Variants in ZNF777 observed in about 807,000 individuals in gnomAD.
ZNF777 encodes the protein zinc finger protein 777.
In ZNF777, 7 loss-of-function variants were observed where a neutral mutation model predicts 72.1. That is an observed-to-expected ratio of 0.10 (90% confidence interval 0.06 to 0.18). The LOEUF (loss-of-function observed/expected upper bound fraction) is 0.18. ZNF777 is among the 10% of genes least tolerant of loss of function. The pLI is 1.00. For missense variants in ZNF777, 828 were observed against 1,128.6 expected, an observed-to-expected ratio of 0.73 and a Z score of 3.82; for synonymous variants, 545 against 483.5, an observed-to-expected ratio of 1.13 and a Z score of -1.67.
rs1001658502 is a variant in ZNF777 at position 149,445,022 on chromosome 7, G to A, written c.1087+5977C>T. 2.0e-5 allele frequency among the ~76,000 whole-genome samples: 3 copies of A among 151,950 alleles called. No homozygotes were observed. In the South Asian group the frequency reaches 6.2e-4, roughly 32 times the overall value. On this transcript the variant is annotated intron_variant, in intron 4 of 5. Coordinates refer to ENST00000247930, the MANE Select transcript of ZNF777 (RefSeq NM_015694.3). ...CTGGATGTTGGACTTCCATCCTTCA[G>A]TTTTCTTATTCTTTCCCTATTCCCT...
At chr7:149,452,138 A>G (rs925454379) in intron 3 of ZNF777, among the ~76,000 whole-genome samples, 2 of 151,624 alleles carry the variant, frequency 1.3e-5, no homozygotes, top group Non-Finnish European at 2.9e-5. Context: ...GGTGGTGGGC[A>G]CCTGTAGTCC....
chr7:149,458,502 G>GAAACA (rs59457062), intron 1 of ZNF777, among the ~76,000 whole-genome samples: 32,506 of 149,202 alleles, frequency 0.22, 3,877 homozygotes, highest in East Asian at 0.43. Context: ...CTGAAACAAT[G>GAAACA]AAACAAAACA....
At chr7:149,456,479 C>T (rs1352930245) in intron 1 of ZNF777, among the ~76,000 whole-genome samples, 1 of 152,214 alleles carries the variant, frequency 6.6e-6, no homozygotes, top group Non-Finnish European at 1.5e-5. Context: ...GACACACACA[C>T]TACCTGAGTT....
chr7:149,451,109 T>A lies in ZNF777; in HGVS notation c.977A>T (p.Tyr326Phe). 2 of 1,613,564 alleles carry A rather than the reference T, an allele frequency of 1.2e-6. No individual in the cohort carries two copies. The highest frequency in any genetic ancestry group is 2.2e-5 in the East Asian group (1 of 44,870). Reference protein sequence around the residue: ...GNYESLVSMDYAISKPDLMSQ... With the variant: ...GNYESLVSMDFAISKPDLMSQ... ...CATGAGGTCTGGTTTGGAAATTGCA[T>A]AGTCTAGGCAGAAGAAAGGGAAAAA... Residue 326 changes from tyrosine to phenylalanine, a missense_variant, in exon 4 of 6, where the codon TAT becomes TTT. Tyr to Phe is a conservative substitution (Grantham distance 22). Coordinates refer to ENST00000247930, the MANE Select transcript of ZNF777 (RefSeq NM_015694.3).
chr7:149,447,894 C>T (rs958399356), intron 4 of ZNF777, among the ~76,000 whole-genome samples: 7 of 152,074 alleles, frequency 4.6e-5, no homozygotes, highest in African/African-American at 1.2e-4. Flanking sequence ...TAATGTCAGT[C>T]GCTCCACAGG....
chr7:149,448,923 T>C (rs1277385642), intron 4 of ZNF777, among the ~76,000 whole-genome samples: 1 of 152,190 alleles, frequency 6.6e-6, no homozygotes, highest in East Asian at 1.9e-4. Flanking sequence ...ATTGAATGAA[T>C]TTACTTAGCC....
intron 5 of ZNF777, 45 bp from the exon 6 acceptor site, chr7:149,432,977 GC>G: frequency 6.9e-7 from 1 of 1,448,494 alleles, no homozygotes; most frequent in Non-Finnish European, 9.1e-7. Context: ...GCTGCCTGGC[GC>G]CCCTAACCTA....
chr7:149,439,309 A>G (rs1799467891), intron 4 of ZNF777, among the ~76,000 whole-genome samples: 1 of 152,152 alleles, frequency 6.6e-6, no homozygotes, highest in South Asian at 2.1e-4. Flanking sequence ...CTGACTTCAC[A>G]AACTACTTAA....
At chr7:149,448,579 CTATATA>C (rs57860880) in intron 4 of ZNF777, among the ~76,000 whole-genome samples, 19,464 of 114,244 alleles carry the variant, frequency 0.17, 1,796 homozygotes, top group African/African-American at 0.22. Flanking sequence ...ATACATATAA[CTATATA>C]TATATATATA....
intron 5 of ZNF777, among the ~76,000 whole-genome samples, chr7:149,433,675 A>C (rs901335820): frequency 2.0e-5 from 3 of 152,180 alleles, no homozygotes; most frequent in African/African-American, 7.2e-5. Flanking sequence ...TCAGGAACCC[A>C]GCCTTTTGCA....
Position 149,460,033 on chromosome 7 carries a change from G to C in ZNF777, c.-16+782C>G. The C allele has an allele frequency of 9.2e-6, 9 of 981,500 alleles. No individual in the cohort carries two copies. Among genetic ancestry groups the C allele is most frequent in the Non-Finnish European group, 1.1e-5 (9 of 827,948 alleles). 60.8% of individuals were successfully genotyped at this position (981,500 alleles called of 1,614,324 possible). A position where few individuals can be genotyped will look rare whatever the true frequency, so the allele number is the denominator to read the frequency against. ...TCGTAGCGTTTCTGCCCCTTACCGA[G>C]ATCCCAGGCCGGGCCGCCGAGCCCG... On this transcript the variant is annotated intron_variant, in intron 1 of 5. Coordinates refer to ENST00000247930, the MANE Select transcript of ZNF777 (RefSeq NM_015694.3). The surrounding 1 kb of genome is among the most constrained non-coding windows in gnomAD (Gnocchi z 6.1).
chr7:149,439,255 C>T (rs1445929979), intron 4 of ZNF777, among the ~76,000 whole-genome samples: 1 of 152,098 alleles, frequency 6.6e-6, no homozygotes, highest in Non-Finnish European at 1.5e-5. Flanking sequence ...TTGTTATGAT[C>T]CCTCCACAAA....
chr7:149,456,065 G>A, intron 1 of ZNF777, 28 bp from the exon 2 acceptor site: 2 of 1,514,756 alleles, frequency 1.3e-6, no homozygotes, highest in South Asian at 1.4e-5. Context: ...AGGAAAAGAG[G>A]ATTAAAGGCC....
chr7:149,448,897 C>A (rs1799665262), intron 4 of ZNF777, among the ~76,000 whole-genome samples: 1 of 152,064 alleles, frequency 6.6e-6, no homozygotes, highest in Non-Finnish European at 1.5e-5. Flanking sequence ...GGAAGCCAAC[C>A]ATTAAATGAT....
At position 149,432,540 on chromosome 7, in the gene ZNF777, C is replaced by G. The variant is rs532810161; in HGVS notation, c.1732G>C (p.Glu578Gln). 14 of 1,613,840 alleles carry G rather than the reference C, an allele frequency of 8.7e-6. No individual in the cohort carries two copies. The South Asian group carries it at 1.3e-4, about 15-fold the overall frequency. ...TTGTGCCGGAAGCTGATCTCGCATT[C>G]GGCGCACTCGTAGGGCCCCTCCTTG... ...HIKEGPYECA[E>Q]CEISFRHKQQ... The change falls in exon 6 of 6, where the codon GAA becomes CAA. Residue 578 changes from glutamate (E) to glutamine (Q), a missense_variant. This residue lies in a region of ZNF777 where 100 missense variants were observed against 106.2 expected (regional missense o/e 0.94). Coordinates refer to ENST00000247930, the MANE Select transcript of ZNF777 (RefSeq NM_015694.3).
chr7:149,460,323 CGCGCGGGGCGAGCGG>C lies in ZNF777; in HGVS notation c.-16+477_-16+491del, dbSNP rs1799925103. 6.9e-6 allele frequency among the ~76,000 whole-genome samples: 1 copy of C among 145,896 alleles called. No individual in the cohort carries two copies. On this transcript the variant is annotated intron_variant, in intron 1 of 5. Coordinates refer to ENST00000247930, the MANE Select transcript of ZNF777 (RefSeq NM_015694.3). This position sits in a 1 kb window ranked among gnomAD's most constrained non-coding sequence, Gnocchi z 6.1. Reference sequence around the variant, plus strand: ...CCGTCGGGCCCCGGCCTGCTCGGGGCGCGCGGGGCGAGCGGGCGCGGGGTCGCGGAGCCCGAGCGG... The same window carrying C: ...CCGTCGGGCCCCGGCCTGCTCGGGGCGCGCGGGGTCGCGGAGCCCGAGCGG...
intron 4 of ZNF777, among the ~76,000 whole-genome samples, chr7:149,445,562 C>T (rs1203048487): frequency 6.6e-6 from 1 of 152,176 alleles, no homozygotes; most frequent in African/African-American, 2.4e-5. Flanking sequence ...CTTCAAATAT[C>T]CTGCCCAGTG....
chr7:149,449,971 G>C (rs1433613414), intron 4 of ZNF777, among the ~76,000 whole-genome samples: 1 of 152,144 alleles, frequency 6.6e-6, no homozygotes, highest in Non-Finnish European at 1.5e-5. Context: ...CATGTTCCTA[G>C]AACATCTGCT....
At chr7:149,442,323 A>C (rs1183239492) in intron 4 of ZNF777, among the ~76,000 whole-genome samples, 1 of 151,722 alleles carries the variant, frequency 6.6e-6, no homozygotes, top group Non-Finnish European at 1.5e-5. Flanking sequence ...ACAAAATATA[A>C]AAGTAAACCA....
Sources: allele counts gnomAD v4.1 joint callset (sites outside exome capture counted in the v4.1 genomes callset), GRCh38; gene constraint gnomAD v4.1.1; regional missense constraint gnomAD v4.1.1; non-coding constraint Gnocchi (gnomAD v3.1); transcripts MANE v1.5; gene names NCBI Gene and HGNC (gene_info 2026-07-23, HGNC 2026-07-21).